The following ITGA9 variants were observed in gnomAD, a reference collection of about 807,000 sequenced individuals.
The protein encoded by ITGA9 is integrin alpha-9.
In ITGA9, 56 loss-of-function variants were observed where a neutral mutation model predicts 127.8. That is an observed-to-expected ratio of 0.44 (90% confidence interval 0.35 to 0.55). The LOEUF is 0.55. Ranked by LOEUF, ITGA9 falls within the 20% of genes least tolerant of loss-of-function variation. The pLI is 0.00. For missense variants in ITGA9, 1,196 were observed against 1,347.1 expected, an observed-to-expected ratio of 0.89 and a Z score of 1.76; for synonymous variants, 508 against 514.5, an observed-to-expected ratio of 0.99 and a Z score of 0.17.
chr3:37,526,170 A>C, intron 13 of ITGA9, 99 bp downstream of exon 13: 1 of 1,017,468 alleles, frequency 9.8e-7, no homozygotes, highest in Non-Finnish European at 1.6e-6. Flanking sequence ...TGTTCCTTGT[A>C]GGCTGGAGGT....
chr3:37,616,186 A>G (rs1266958791), intron 15 of ITGA9, among the ~76,000 whole-genome samples: 4 of 152,208 alleles, frequency 2.6e-5, no homozygotes, highest in African/African-American at 9.7e-5. Flanking sequence ...ATTGGTTTCA[A>G]AGAACATCTT....
chr3:37,523,704 A>T, intron 12 of ITGA9, 93 bp downstream of exon 12: 1 of 906,668 alleles, frequency 1.1e-6, no homozygotes, highest in Non-Finnish European at 1.9e-6. Context: ...CATCACATCC[A>T]TTTAGGATTA....
intron 18 of ITGA9, among the ~76,000 whole-genome samples, chr3:37,701,575 T>C (rs1386492515): frequency 6.6e-6 from 1 of 152,226 alleles, no homozygotes; most frequent in African/African-American, 2.4e-5. Flanking sequence ...GATTGAGGGC[T>C]GCTCCTGAAG....
At chr3:37,572,557 A>G (rs1575154294) in intron 15 of ITGA9, among the ~76,000 whole-genome samples, 2 of 152,356 alleles carry the variant, frequency 1.3e-5, no homozygotes, top group East Asian at 3.9e-4. Context: ...GGACCAAATA[A>G]GATAATATAG....
At chr3:37,525,971 C>A in intron 12 of ITGA9, 55 bp from the exon 13 acceptor site, 3 of 1,507,040 alleles carry the variant, frequency 2.0e-6, no homozygotes, top group Non-Finnish European at 2.8e-6. Flanking sequence ...TCCCAGGGCG[C>A]GGTTGTGTAT....
chr3:37,603,439 T>G (rs569516588), intron 15 of ITGA9, among the ~76,000 whole-genome samples: 1 of 152,160 alleles, frequency 6.6e-6, no homozygotes, highest in Non-Finnish European at 1.5e-5. Flanking sequence ...ATCAAGGACT[T>G]GTGTGTTCTT....
At chr3:37,705,772 G>C (rs1700997677) in intron 18 of ITGA9, among the ~76,000 whole-genome samples, 1 of 152,176 alleles carries the variant, frequency 6.6e-6, no homozygotes, top group South Asian at 2.1e-4. Context: ...TGAATTAATA[G>C]GGCAGTGAGA....
chr3:37,703,822 G>A (rs917019249), intron 18 of ITGA9, among the ~76,000 whole-genome samples: 3 of 152,198 alleles, frequency 2.0e-5, no homozygotes, highest in African/African-American at 7.2e-5. Context: ...ACCCAGTGAG[G>A]TATGTGCAGT....
intron 26 of ITGA9, among the ~76,000 whole-genome samples, chr3:37,802,565 G>A (rs1575245015): frequency 6.6e-6 from 1 of 152,184 alleles, no homozygotes; most frequent in Non-Finnish European, 1.5e-5. Flanking sequence ...CTTTTGCAGT[G>A]AGGAGCTTAA....
intron 15 of ITGA9, among the ~76,000 whole-genome samples, chr3:37,616,441 G>T (rs1700075528): frequency 6.6e-6 from 1 of 152,318 alleles, no homozygotes; most frequent in South Asian, 2.1e-4. Flanking sequence ...TGTATATTCT[G>T]TTGATTTGGG....
chr3:37,557,447 C>T (rs572039281), intron 15 of ITGA9, among the ~76,000 whole-genome samples: 38 of 152,234 alleles, frequency 2.5e-4, no homozygotes, highest in African/African-American at 9.2e-4. Flanking sequence ...CCCACCCCTT[C>T]GAAGCAGCCA....
chr3:37,606,796 G>A (rs1421665884), intron 15 of ITGA9, among the ~76,000 whole-genome samples: 5 of 151,994 alleles, frequency 3.3e-5, no homozygotes, highest in African/African-American at 4.8e-5. Context: ...GTTTGATCTC[G>A]TTGGGCCCTC....
intron 18 of ITGA9, among the ~76,000 whole-genome samples, chr3:37,732,245 C>G (rs372016979): frequency 5.3e-4 from 81 of 152,302 alleles, no homozygotes; most frequent in African/African-American, 1.7e-3. Context: ...TGGTGGACAG[C>G]CCAGCCCTCA....
intron 27 of ITGA9, among the ~76,000 whole-genome samples, chr3:37,817,005 A>T (rs13062108): frequency 0.031 from 4,762 of 152,036 alleles, 83 homozygotes; most frequent in African/African-American, 0.036. Flanking sequence ...TGGCCAATAA[A>T]CCCCCTTTAG....
intron 18 of ITGA9, among the ~76,000 whole-genome samples, chr3:37,686,815 A>T (rs1374527128): frequency 6.6e-6 from 1 of 152,176 alleles, no homozygotes; most frequent in Non-Finnish European, 1.5e-5. Context: ...AAGGGAAAAG[A>T]AACAGAAACT....
chr3:37,523,643 T>A, intron 12 of ITGA9, 32 bp downstream of exon 12: 1 of 1,333,702 alleles, frequency 7.5e-7, no homozygotes, highest in Non-Finnish European at 1.1e-6. Flanking sequence ...GCACATGAGA[T>A]AAATGAAGAT....
chr3:37,481,508 A>T lies in ITGA9; in HGVS notation c.445A>T (p.Ile149Phe), dbSNP rs1266354934. 1 of 1,614,022 alleles carries T rather than the reference A, an allele frequency of 6.2e-7. No homozygotes were observed. Among genetic ancestry groups the T allele is most frequent in the East Asian group, 2.2e-5 (1 of 44,890 alleles). The change falls in exon 4 of 28, where the codon ATC (isoleucine) becomes TTC (phenylalanine). Residue 149 changes from isoleucine (I) to phenylalanine (F), a missense_variant. Coordinates refer to ENST00000264741, the MANE Select transcript of ITGA9 (RefSeq NM_002207.3). Reference protein sequence around the residue: ...VLACAHRWKNIYYEADHILPH... With the variant: ...VLACAHRWKNFYYEADHILPH... ...GGCCTGTGCTCATCGCTGGAAGAAC[A>T]TCTACTATGAAGCCGACCACATCCT...
At chr3:37,686,809 G>T (rs1700786476) in intron 18 of ITGA9, among the ~76,000 whole-genome samples, 1 of 152,132 alleles carries the variant, frequency 6.6e-6, no homozygotes, top group African/African-American at 2.4e-5. Context: ...AAAAGGAAGG[G>T]AAAAGAAACA....
At chr3:37,490,377 T>G (rs767644592) in intron 4 of ITGA9, among the ~76,000 whole-genome samples, 4 of 152,224 alleles carry the variant, frequency 2.6e-5, no homozygotes, top group Non-Finnish European at 5.9e-5. Context: ...CTATAACAAC[T>G]CCTTGGTGAA....
Sources: gnomAD v4.1 joint callset for allele counts (sites outside exome capture counted in the v4.1 genomes callset) on GRCh38, gnomAD v4.1.1 for gene constraint, MANE v1.5 for transcripts, NCBI Gene and HGNC (gene_info 2026-07-23, HGNC 2026-07-21) for gene names.